CNIH3: variants seen among roughly 807,000 people sequenced by gnomAD.
The protein encoded by CNIH3 is cornichon family AMPA receptor auxiliary protein 3, also known as protein cornichon homolog 3.
CNIH3 carries 14 observed loss-of-function variants against 24.1 expected under a neutral mutation model. The observed-to-expected ratio is 0.58, with a 90% CI of 0.38 to 0.91. The LOEUF is 0.91. Ranked by LOEUF, CNIH3 falls within the 40% of genes least tolerant of loss-of-function variation. The probability of loss-of-function intolerance (pLI) is 0.00; values close to 1 mark genes in which losing one functional copy is unlikely to be tolerated. For missense variants in CNIH3, 178 were observed against 196.8 expected (o/e 0.90, Z 0.57); for synonymous variants, 68 against 73.8 (o/e 0.92, Z 0.40).
intron 2 of CNIH3, among the ~76,000 whole-genome samples, chr1:224,543,105 G>A (rs1419647771): frequency 6.6e-6 from 1 of 152,104 alleles, no homozygotes; most frequent in African/African-American, 2.4e-5. Flanking sequence ...CTCTGGAGAG[G>A]GGAGGGAAGC....
intron 1 of CNIH3, among the ~76,000 whole-genome samples, chr1:224,440,743 G>A (rs1674866572): frequency 6.6e-6 from 1 of 152,140 alleles, no homozygotes; most frequent in African/African-American, 2.4e-5. Context: ...GTGGGGTAGT[G>A]AGGGGAGAAG....
chr1:224,739,295 C>CTT lies in CNIH3; in HGVS notation c.456-10_456-9dup, dbSNP rs11342205. On this transcript the variant is annotated intron_variant, in intron 5 of 5. Transcript: ENST00000272133. ...TGGGCTTCTACTAACACCTTCCTCTCTTTTTTTTTTTTTTTTTTTTTTTTT... is the reference window on the plus strand; with the variant it reads ...TGGGCTTCTACTAACACCTTCCTCTCTTTTTTTTTTTTTTTTTTTTTTTTTTT... 2.7e-3 allele frequency: 3,601 copies of CTT among 1,339,964 alleles called. 1 individual carries two copies. The highest frequency in any genetic ancestry group is 8.4e-3 in the South Asian group (626 of 74,372). 83.0% of individuals were successfully genotyped at this position (1,339,964 alleles called of 1,614,324 possible). A position where few individuals can be genotyped will look rare whatever the true frequency, so the allele number is the denominator to read the frequency against.
chr1:224,711,434 C>T (rs954515466), intron 3 of CNIH3, among the ~76,000 whole-genome samples: 2 of 151,970 alleles, frequency 1.3e-5, no homozygotes, highest in African/African-American at 4.8e-5. Flanking sequence ...GATCCTCCCA[C>T]TTCAGCCTCC....
At chr1:224,521,979 C>A (rs745428924) in intron 2 of CNIH3, among the ~76,000 whole-genome samples, 2 of 152,118 alleles carry the variant, frequency 1.3e-5, no homozygotes, top group Non-Finnish European at 1.5e-5. Flanking sequence ...GAATGGAAGG[C>A]AATAAAGTTC....
chr1:224,709,226 A>C (rs575821933), intron 3 of CNIH3, among the ~76,000 whole-genome samples: 19 of 152,240 alleles, frequency 1.2e-4, no homozygotes, highest in Non-Finnish European at 2.5e-4. Context: ...ATCATCGTTC[A>C]TCTTCTAGCG....
At chr1:224,518,095 T>C (rs1025833822) in intron 1 of CNIH3, among the ~76,000 whole-genome samples, 2 of 152,188 alleles carry the variant, frequency 1.3e-5, no homozygotes, top group Non-Finnish European at 2.9e-5. Flanking sequence ...CTAAGGTTTA[T>C]GTACCTTAGA....
chr1:224,698,780 T>C (rs1402317338), intron 3 of CNIH3, among the ~76,000 whole-genome samples: 1 of 152,222 alleles, frequency 6.6e-6, no homozygotes, highest in Non-Finnish European at 1.5e-5. Flanking sequence ...AGGGCACTAA[T>C]TGTGAATCTG....
chr1:224,691,789 A>T (rs1686945305), intron 3 of CNIH3, among the ~76,000 whole-genome samples: 1 of 152,178 alleles, frequency 6.6e-6, no homozygotes, highest in Non-Finnish European at 1.5e-5. Context: ...TGATACCATA[A>T]GCATGTGGCA....
rs1444844093 is a variant in CNIH3 at position 224,729,574 on chromosome 1, A to G, written c.199-888A>G. On this transcript the variant is annotated intron_variant, in intron 3 of 5. Transcript: ENST00000272133. The stretch of plus-strand genomic sequence containing the variant: ...TAAATATATTTAGTAATATGTATCT[A>G]TATCTCCCTATATAACTGGGTAAAA... Among the ~76,000 whole-genome samples the G allele has an allele frequency of 2.0e-5, 3 of 151,864 alleles. No individual in the cohort carries two copies. In the East Asian group the frequency reaches 5.8e-4, roughly 29 times the overall value.
chr1:224,610,850 G>T (rs1172619153), intron 3 of CNIH3, among the ~76,000 whole-genome samples: 2 of 152,156 alleles, frequency 1.3e-5, no homozygotes, highest in African/African-American at 4.8e-5. Flanking sequence ...TTGCCACTTT[G>T]TCAGTGAACT....
rs1572831371 is a variant in CNIH3 at position 224,730,313 on chromosome 1, G to A, written c.199-149G>A. ...AAGAACTTACCAGAAATGGATCTGTGTTGGGGCAGTGGCTCTACGTTGCTG... is the reference window on the plus strand; with the variant it reads ...AAGAACTTACCAGAAATGGATCTGTATTGGGGCAGTGGCTCTACGTTGCTG... On this transcript the variant is annotated intron_variant, in intron 3 of 5. Transcript: ENST00000272133. 32 of 612,504 alleles carry A rather than the reference G, an allele frequency of 5.2e-5. No homozygotes were observed. In the East Asian group the frequency reaches 8.5e-4, roughly 16 times the overall value. The allele number at this position is 612,504 out of a possible 1,614,324, so 37.9% of individuals were successfully genotyped here. A position where few individuals can be genotyped will look rare whatever the true frequency, so the allele number is the denominator to read the frequency against.
chr1:224,684,820 C>T lies in CNIH3; in HGVS notation c.175C>T (p.Arg59Cys), dbSNP rs755612701. 11 of 1,613,954 alleles carry T rather than the reference C, an allele frequency of 6.8e-6. No individual in the cohort carries two copies. The highest frequency in any genetic ancestry group is 1.3e-5 in the African/African-American group (1 of 74,916). ...GAGGGAACGGTTGAGGAACATCGAG[C>T]GCATCTGCTTCCTTCTGCGAAAGGT... Reference protein sequence around the residue: ...HARERLRNIERICFLLRKLVL... With the variant: ...HARERLRNIECICFLLRKLVL... The change falls in exon 3 of 6, where the codon CGC becomes TGC. Residue 59 changes from arginine (R) to cysteine (C), a missense_variant. By Grantham distance (180) the Arg-to-Cys change is radical. Transcript: ENST00000272133. This position sits in a 1 kb window ranked among gnomAD's most constrained non-coding sequence, Gnocchi z 4.2.
intron 1 of CNIH3, among the ~76,000 whole-genome samples, chr1:224,461,903 A>G (rs1675926076): frequency 1.3e-5 from 2 of 152,220 alleles, no homozygotes; most frequent in African/African-American, 4.8e-5. Flanking sequence ...TACAGTATAT[A>G]GTTTTTTGTG....
In CNIH3 at chr1:224,616,744, C is replaced by G; in HGVS notation, c.-431C>G. 5 of 1,007,774 alleles carry G rather than the reference C, an allele frequency of 5.0e-6. No individual in the cohort carries two copies. Among genetic ancestry groups the G allele is most frequent in the Non-Finnish European group, 4.7e-6 (4 of 844,734 alleles). The allele number at this position is 1,007,774 out of a possible 1,614,324, so 62.4% of individuals were successfully genotyped here. A position where few individuals can be genotyped will look rare whatever the true frequency, so the allele number is the denominator to read the frequency against. On this transcript the variant is annotated 5_prime_UTR_variant, in exon 1 of 6. Transcript: ENST00000272133. ...GGTCCGGAGCGGAGCGCTCGTCTCT[C>G]CTCAGCGGTTTAGTGGAGAAAAGCA...
At chr1:224,646,973 T>G in intron 1 of CNIH3, among the ~76,000 whole-genome samples, 1 of 152,268 alleles carries the variant, frequency 6.6e-6, no homozygotes, top group East Asian at 1.9e-4. Context: ...GTCACACACA[T>G]GGCCCCGTCA....
intron 1 of CNIH3, among the ~76,000 whole-genome samples, chr1:224,481,574 CT>C (rs1032300883): frequency 6.6e-6 from 1 of 152,164 alleles, no homozygotes; most frequent in African/African-American, 2.4e-5. Flanking sequence ...CAGGTAGAGA[CT>C]CTTCTTCTCT....
At chr1:224,601,567 A>C (rs74149613) in intron 3 of CNIH3, among the ~76,000 whole-genome samples, 3,961 of 152,194 alleles carry the variant, frequency 0.026, 176 homozygotes, top group African/African-American at 0.09. Flanking sequence ...ACTGCCCGAC[A>C]ATCACCTGAT....
At chr1:224,681,927 A>G (rs1336246587) in intron 2 of CNIH3, among the ~76,000 whole-genome samples, 1 of 152,164 alleles carries the variant, frequency 6.6e-6, no homozygotes, top group East Asian at 1.9e-4. Context: ...CATGGTTTCC[A>G]GCGCTAAGGC....
intron 4 of CNIH3, among the ~76,000 whole-genome samples, chr1:224,568,482 C>A (rs1680680175): frequency 6.6e-6 from 1 of 152,128 alleles, no homozygotes. Flanking sequence ...ATTGGCCAGG[C>A]ATGGTGGTTC....
Sources: allele counts gnomAD v4.1 joint callset (sites outside exome capture counted in the v4.1 genomes callset), GRCh38; gene constraint gnomAD v4.1.1; non-coding constraint Gnocchi (gnomAD v3.1); transcripts MANE v1.5; gene names NCBI Gene and HGNC (gene_info 2026-07-23, HGNC 2026-07-21).